PRKCB: variants seen among roughly 807,000 people sequenced by gnomAD.
PRKCB encodes the protein protein kinase C beta.
A neutral mutation model predicts 81.5 loss-of-function variants in PRKCB; 13 were observed. The observed-to-expected ratio is 0.16, with a 90% CI of 0.10 to 0.25. PRKCB has a LOEUF of 0.25. Among genes scored for constraint, PRKCB ranks in the 10% least tolerant of loss-of-function variants. PRKCB has a pLI of 1.00. For synonymous variants in PRKCB, 335 were observed against 321.4 expected (o/e 1.04, Z -0.45); for missense variants, 509 against 875.7 (o/e 0.58, Z 5.29).
rs368787794 is a variant in PRKCB, at chr16:23,923,195, C to T, written c.206-65313C>T. 3.9e-5 allele frequency among the ~76,000 whole-genome samples: 6 copies of T among 152,104 alleles called. No homozygotes were observed. In the South Asian group the frequency reaches 6.2e-4, roughly 16 times the overall value. ...AAGGGAATTTATTGCCTTTATAAAA[C>T]CAAAAAGTCCAAGGGTAGCTGCCTT... On this transcript the variant is annotated intron_variant, in intron 2 of 16. Coordinates refer to ENST00000643927, the MANE Select transcript of PRKCB (RefSeq NM_002738.7).
At chr16:24,033,580 G>T (rs1965575845) in intron 4 of PRKCB, among the ~76,000 whole-genome samples, 1 of 152,010 alleles carries the variant, frequency 6.6e-6, no homozygotes, top group South Asian at 2.1e-4. Context: ...TGGCCAACGT[G>T]GCAAAACCCA....
At chr16:23,837,218 C>G (rs1290505887) in intron 1 of PRKCB, 157 bp from the exon 2 acceptor site, 1 of 855,764 alleles carries the variant, frequency 1.2e-6, no homozygotes, top group Non-Finnish European at 2.0e-6. Flanking sequence ...CTCCCACCTA[C>G]CCCCACAAAG....
intron 3 of PRKCB, among the ~76,000 whole-genome samples, chr16:23,998,419 C>A (rs1410194452): frequency 6.6e-6 from 1 of 151,988 alleles, no homozygotes; most frequent in Admixed American, 6.6e-5. Flanking sequence ...TAGATGAGGG[C>A]GTGAGTGCCC....
intron 2 of PRKCB, among the ~76,000 whole-genome samples, chr16:23,866,517 C>T (rs1962793026): frequency 6.6e-6 from 1 of 152,174 alleles, no homozygotes; most frequent in Admixed American, 6.5e-5. Flanking sequence ...AATTTGGTGT[C>T]TCTTATAGAA....
intron 8 of PRKCB, among the ~76,000 whole-genome samples, chr16:24,122,057 T>C (rs546531317): frequency 3.9e-4 from 60 of 152,286 alleles, no homozygotes; most frequent in African/African-American, 1.3e-3. Flanking sequence ...CAAGTAAATA[T>C]ATGGTTTGTA....
intron 3 of PRKCB, among the ~76,000 whole-genome samples, chr16:24,021,376 C>A (rs1279725366): frequency 5.3e-5 from 6 of 112,664 alleles, no homozygotes; most frequent in African/African-American, 2.0e-4. Context: ...CCTCCCTCCC[C>A]CCTCCTCCAT....
chr16:24,194,343 C>T (rs541569406), intron 16 of PRKCB, among the ~76,000 whole-genome samples: 1 of 150,430 alleles, frequency 6.6e-6, no homozygotes, highest in Admixed American at 6.6e-5. Context: ...AACAAACAAA[C>T]AAAAAAACAA....
At chr16:24,064,683 T>C (rs1966010906) in intron 5 of PRKCB, among the ~76,000 whole-genome samples, 1 of 152,182 alleles carries the variant, frequency 6.6e-6, no homozygotes, top group African/African-American at 2.4e-5. Context: ...TTAAGTCTCC[T>C]ATTATGATTC....
intron 3 of PRKCB, among the ~76,000 whole-genome samples, chr16:24,009,789 G>T (rs1965177567): frequency 6.6e-6 from 1 of 151,876 alleles, no homozygotes; most frequent in Non-Finnish European, 1.5e-5. Context: ...CGAGGTAGGG[G>T]GGATCACTTG....
Position 24,123,896 on chromosome 16 carries a change from A to G in PRKCB, c.980A>G (p.Lys327Arg), listed in dbSNP as rs749243156. The G allele has an allele frequency of 1.9e-6, 3 of 1,614,076 alleles. No homozygotes were observed. The highest frequency in any genetic ancestry group is 1.7e-5 in the Admixed American group (1 of 60,002). Residue 327 changes from lysine to arginine, a missense_variant, in exon 9 of 17, where the codon AAA (lysine) becomes AGA (arginine). By Grantham distance (26) the Lys-to-Arg change is conservative (BLOSUM62 2). Around this residue, in one of 6 missense-constraint regions of PRKCB, gnomAD observed 80 missense variants for 89.4 expected, o/e 0.90. Coordinates refer to ENST00000643927, the MANE Select transcript of PRKCB (RefSeq NM_002738.7). ...PEEKTTNTVS[K>R]FDNNGNRDRM... ...GAAAAGACGACCAACACTGTCTCCA[A>G]ATTTGACAACAATGGCAACAGAGAC...
intron 16 of PRKCB, chr16:24,191,474 A>G (rs1429618071): frequency 1.7e-5 from 7 of 408,904 alleles, no homozygotes; most frequent in Non-Finnish European, 2.2e-5. Context: ...CTTCGATTCA[A>G]TTATTGTAAC....
chr16:23,947,096 T>A (rs1168762149), intron 2 of PRKCB, among the ~76,000 whole-genome samples: 1 of 152,170 alleles, frequency 6.6e-6, no homozygotes, highest in Non-Finnish European at 1.5e-5. Flanking sequence ...TCTCAAACGA[T>A]CCACCTGCCT....
chr16:24,096,666 AATATATATATATATATATAT>A (rs58341820), intron 7 of PRKCB, among the ~76,000 whole-genome samples: 2 of 32,714 alleles, frequency 6.1e-5, no homozygotes, highest in Non-Finnish European at 1.2e-4. Flanking sequence ...AAAAAAAAAA[AATATATATATATATATATAT>A]ATATATATAT....
rs1292090216 is a variant in PRKCB at position 24,219,392 on chromosome 16, T to C, written c.*4576T>C. On this transcript the variant is annotated 3_prime_UTR_variant, in exon 17 of 17. Coordinates refer to ENST00000643927, the MANE Select transcript of PRKCB (RefSeq NM_002738.7). ...GCCTGATAAACACCCAATTCTAGAC[T>C]GTGGGTGGATTTTCGAGCTGACGGT... 4.1e-6 allele frequency: 4 copies of C among 985,686 alleles called. No individual in the cohort carries two copies. The African/African-American group carries it at 7.0e-5, about 17-fold the overall frequency. 61.1% of individuals were successfully genotyped at this position (985,686 alleles called of 1,614,324 possible).
rs1381864485 is a variant in PRKCB at position 24,219,764 on chromosome 16, A to G, written c.*4948A>G. 13 of 1,392,592 alleles carry G rather than the reference A, an allele frequency of 9.3e-6. No individual in the cohort carries two copies. Among genetic ancestry groups the G allele is most frequent in the Non-Finnish European group, 1.2e-5 (13 of 1,076,216 alleles). 86.3% of individuals were successfully genotyped at this position (1,392,592 alleles called of 1,614,324 possible). On this transcript the variant is annotated 3_prime_UTR_variant, in exon 17 of 17. Transcript: ENST00000643927. ...TTACTTCTTTTCTTAGAAAATTTCC[A>G]CCACATTTCTATCCCCAAGCCAACA...
chr16:24,189,228 A>C (rs1487374042), intron 15 of PRKCB, among the ~76,000 whole-genome samples: 1 of 152,196 alleles, frequency 6.6e-6, no homozygotes, highest in Non-Finnish European at 1.5e-5. Context: ...TCCTCTCTGG[A>C]GTCCTTACTG....
intron 9 of PRKCB, among the ~76,000 whole-genome samples, chr16:24,127,198 G>A (rs2141931841): frequency 6.6e-6 from 1 of 151,356 alleles, no homozygotes; most frequent in Non-Finnish European, 1.5e-5. Context: ...TAGAGACGGG[G>A]TTTCTCCATG....
intron 9 of PRKCB, among the ~76,000 whole-genome samples, chr16:24,145,595 A>T (rs1041092283): frequency 5.9e-5 from 9 of 152,232 alleles, no homozygotes; most frequent in African/African-American, 2.2e-4. Context: ...ATTGTACTGG[A>T]TGAGAGATAC....
At chr16:24,166,011 C>T (rs553720819) in intron 10 of PRKCB, among the ~76,000 whole-genome samples, 4 of 151,116 alleles carry the variant, frequency 2.6e-5, no homozygotes, top group South Asian at 4.2e-4. Context: ...CTCAGCCTTC[C>T]GAATAGCTGA....
Sources: gnomAD v4.1 joint callset for allele counts (sites outside exome capture counted in the v4.1 genomes callset) on GRCh38, gnomAD v4.1.1 for gene constraint, gnomAD v4.1.1 regional missense constraint, MANE v1.5 for transcripts, NCBI Gene and HGNC (gene_info 2026-07-23, HGNC 2026-07-21) for gene names.